FBXL18: variants seen among roughly 807,000 people sequenced by gnomAD.
The protein encoded by FBXL18 is F-box and leucine rich repeat protein 18.
A neutral mutation model predicts 46.0 loss-of-function variants in FBXL18; 36 were observed. The observed-to-expected ratio is 0.78, with a 90% CI of 0.60 to 1.03. FBXL18 has a LOEUF of 1.03. Ranked by LOEUF, FBXL18 falls within the 50% of genes least tolerant of loss-of-function variation. The pLI is 0.00. For missense variants in FBXL18, 977 were observed against 1,004.1 expected (o/e 0.97, Z 0.36); for synonymous variants, 557 against 465.3 (o/e 1.20, Z -2.54).
chr7:5,506,360 T>C (rs1784395193), intron 1 of FBXL18, among the ~76,000 whole-genome samples: 1 of 151,924 alleles, frequency 6.6e-6, no homozygotes, highest in South Asian at 2.1e-4. Flanking sequence ...GCAGTTCTCC[T>C]GGCTCAGCCT....
chr7:5,506,512 C>T (rs887454185), intron 1 of FBXL18, among the ~76,000 whole-genome samples: 1 of 151,534 alleles, frequency 6.6e-6, no homozygotes, highest in African/African-American at 2.4e-5. Flanking sequence ...GCCTCAGTCT[C>T]CCAAAGTGTT....
chr7:5,497,291 C>T (rs1784107362), intron 3 of FBXL18, among the ~76,000 whole-genome samples: 1 of 152,062 alleles, frequency 6.6e-6, no homozygotes, highest in South Asian at 2.1e-4. Context: ...CCGTCTGGTT[C>T]TCAAAGCAGT....
At chr7:5,465,137 A>T (rs1342098949) in intron 4 of FBXL18, among the ~76,000 whole-genome samples, 1 of 152,166 alleles carries the variant, frequency 6.6e-6, no homozygotes, top group African/African-American at 2.4e-5. Context: ...AGTTTCTGCA[A>T]CTTCTCTCTG....
intron 1 of FBXL18, among the ~76,000 whole-genome samples, chr7:5,508,301 T>C (rs918603312): frequency 2.0e-5 from 3 of 149,040 alleles, no homozygotes; most frequent in Non-Finnish European, 3.0e-5. Context: ...ACAAAAATTA[T>C]CTGGGCCTGG....
intron 4 of FBXL18, among the ~76,000 whole-genome samples, chr7:5,486,984 G>A (rs1783793158): frequency 6.6e-6 from 1 of 152,270 alleles, no homozygotes; most frequent in African/African-American, 2.4e-5. Context: ...AGAGCAAACC[G>A]CTGCTCCTCC....
chr7:5,490,196 C>G, intron 4 of FBXL18: 2 of 1,342,064 alleles, frequency 1.5e-6, no homozygotes, highest in Non-Finnish European at 2.0e-6. Flanking sequence ...GGCCTCCTTC[C>G]TGTCACCTCT....
In FBXL18 at chr7:5,477,684, G is replaced by A. The variant is rs1329199920; in HGVS notation, c.*4091C>T. 1 of 151,808 alleles carries A rather than the reference G, an allele frequency of 6.6e-6. No homozygotes were observed. The highest frequency in any genetic ancestry group is 1.9e-4 in the East Asian group (1 of 5,184). The allele number at this position is 151,808 out of a possible 1,614,324, so 9.4% of individuals were successfully genotyped here. On this transcript the variant is annotated 3_prime_UTR_variant, in exon 5 of 5. Transcript: ENST00000382368. The surrounding 1 kb of genome is among the most constrained non-coding windows in gnomAD (Gnocchi z 4.4). ...TCGTGCCACTGCACTCCAGCCTGGG[G>A]GACAAAGCAAGACTCCCTCTCAAAA... is the stretch of plus-strand genomic sequence containing the variant.
Position 5,476,356 on chromosome 7 carries a change from A to G in FBXL18, c.*5419T>C, listed in dbSNP as rs1159752528. 1 of 152,142 alleles carries G rather than the reference A, an allele frequency of 6.6e-6. No homozygotes were observed. Among genetic ancestry groups the G allele is most frequent in the Admixed American group, 6.6e-5 (1 of 15,264 alleles). 9.4% of individuals were successfully genotyped at this position (152,142 alleles called of 1,614,324 possible). ...GGTCTGGTGGCAACAGCTTGGAGAA[A>G]AGCCTCCCGGGACCAACCCTCATTC... On this transcript the variant is annotated 3_prime_UTR_variant, in exon 5 of 5. Transcript: ENST00000382368.
At chr7:5,465,674 G>T (rs531851977) in intron 4 of FBXL18, among the ~76,000 whole-genome samples, 2 of 152,106 alleles carry the variant, frequency 1.3e-5, no homozygotes, top group African/African-American at 4.8e-5. Flanking sequence ...CTGGAAAAAG[G>T]GGGAGAGAGG....
At chr7:5,463,903 G>A (rs1783303082) in intron 4 of FBXL18, among the ~76,000 whole-genome samples, 2 of 150,562 alleles carry the variant, frequency 1.3e-5, no homozygotes, top group Admixed American at 1.3e-4. Flanking sequence ...ACCACACCCA[G>A]CTAATTTTCA....
intron 4 of FBXL18, among the ~76,000 whole-genome samples, chr7:5,457,823 C>G (rs1250326196): frequency 6.6e-6 from 1 of 152,176 alleles, no homozygotes; most frequent in Non-Finnish European, 1.5e-5. Flanking sequence ...CACGTTATGG[C>G]GGAAGGCCAT....
In FBXL18 at chr7:5,500,770, G is replaced by C; in HGVS notation, c.1499C>G (p.Pro500Arg). 6.2e-7 allele frequency: 1 copy of C among 1,612,612 alleles called. No homozygotes were observed. The highest frequency in any genetic ancestry group is 8.5e-7 in the Non-Finnish European group (1 of 1,179,752). The change falls in exon 3 of 5, where the codon CCC (proline) becomes CGC (arginine). Residue 500 changes from proline (P) to arginine (R), a missense_variant. Pro to Arg is a moderately radical substitution (Grantham distance 103, BLOSUM62 -2). Transcript: ENST00000382368. ...LIGSNFSSAMPRNEPAIRNSL... is the reference protein window; with the variant it reads ...LIGSNFSSAMRRNEPAIRNSL... ...GTTGCGGATGGCGGGCTCGTTGCGG[G>C]GCATGGCGGAGGAGAAGTTGGACCC...
In FBXL18 at chr7:5,496,934, G is replaced by C. The variant is rs1057387478; in HGVS notation, c.1781+3554C>G. On this transcript the variant is annotated intron_variant, in intron 3 of 4. Coordinates refer to ENST00000382368, the MANE Select transcript of FBXL18 (RefSeq NM_024963.6). This position sits in a 1 kb window ranked among gnomAD's most constrained non-coding sequence, Gnocchi z 4.8. ...TAATCCCAGCTACTCTGGAGGCTGA[G>C]ACAGGAGAATCGCTTGAATCCAGGA... Among the ~76,000 whole-genome samples, 2 of 149,696 alleles carry C rather than the reference G, an allele frequency of 1.3e-5. No individual in the cohort carries two copies.
At chr7:5,467,831 C>T (rs1158215403) in intron 4 of FBXL18, among the ~76,000 whole-genome samples, 1 of 152,140 alleles carries the variant, frequency 6.6e-6, no homozygotes, top group African/African-American at 2.4e-5. Flanking sequence ...CCTTAGGAGA[C>T]TGACTCATTG....
At position 5,513,156 on chromosome 7, in the gene FBXL18, CA is replaced by C. The variant is rs756518906; in HGVS notation, c.18+500del. On this transcript the variant is annotated intron_variant, in intron 1 of 4. Transcript: ENST00000382368. ...TTTGGGGAGTGTTGGGAAAGAATTC[CA>C]GGGTACGTCGTAAGTCCCTCAGGTG... is the stretch of plus-strand genomic sequence containing the variant. Among the ~76,000 whole-genome samples, 18 of 152,246 alleles carry C rather than the reference CA, an allele frequency of 1.2e-4. No individual in the cohort carries two copies. The South Asian group carries it at 3.7e-3, about 32-fold the overall frequency.
chr7:5,495,759 C>G (rs1048746017), intron 3 of FBXL18: 12 of 470,728 alleles, frequency 2.5e-5, no homozygotes, highest in African/African-American at 2.0e-4. Context: ...GTGCCACCTG[C>G]TCCTTCCACT....
At chr7:5,456,913 G>A (rs559971225) in intron 4 of FBXL18, among the ~76,000 whole-genome samples, 17 of 152,262 alleles carry the variant, frequency 1.1e-4, no homozygotes, top group African/African-American at 3.8e-4. Flanking sequence ...ACAGGTGCAC[G>A]CCACCATGCC....
chr7:5,466,438 C>T (rs1783341859), intron 4 of FBXL18, among the ~76,000 whole-genome samples: 1 of 152,130 alleles, frequency 6.6e-6, no homozygotes, highest in Admixed American at 6.5e-5. Flanking sequence ...GGAGGGAGGA[C>T]CTCACACACA....
At chr7:5,471,071 C>CG (rs1331821005), downstream of FBXL18, among the ~76,000 whole-genome samples, 2 of 152,236 alleles carry the variant, frequency 1.3e-5, no homozygotes, top group Admixed American at 6.5e-5. Context: ...AGCTGACCCC[C>CG]GGGCGCCCCG....
Sources: gnomAD v4.1 joint callset for allele counts (sites outside exome capture counted in the v4.1 genomes callset) on GRCh38, gnomAD v4.1.1 for gene constraint, Gnocchi (gnomAD v3.1) non-coding constraint, MANE v1.5 for transcripts, NCBI Gene and HGNC (gene_info 2026-07-23, HGNC 2026-07-21) for gene names.